HM13: variants seen among roughly 807,000 people sequenced by gnomAD.
The protein encoded by HM13 is signal peptide peptidase.
Under a neutral mutation model 50.0 loss-of-function variants are expected in HM13, and 18 were observed. That is an observed-to-expected ratio of 0.36 (90% confidence interval 0.25 to 0.53). The LOEUF (loss-of-function observed/expected upper bound fraction) is 0.53. HM13 is among the 20% of genes least tolerant of loss of function. The pLI is 0.90. For synonymous variants in HM13, 197 were observed against 232.6 expected, an observed-to-expected ratio of 0.85 and a Z score of 1.39; for missense variants, 393 against 552.4, an observed-to-expected ratio of 0.71 and a Z score of 2.89.
At position 31,518,683 on chromosome 20, in the gene HM13, CTA is replaced by C. The variant is rs570133393; in HGVS notation, c.183+3951_183+3952del. Among the ~76,000 whole-genome samples the C allele has an allele frequency of 6.8e-4, 103 of 151,826 alleles. 3 individuals carry two copies. In the Middle Eastern group the frequency reaches 0.031, roughly 45 times the overall value. On this transcript the variant is annotated intron_variant, in intron 1 of 12. Transcript: ENST00000398174. ...AATAATAATATGTTTCATTATTTTT[CTA>C]TGTCAGTACATATAGACCTAAAGTT...
At chr20:31,521,910 T>C (rs964522619) in intron 1 of HM13, among the ~76,000 whole-genome samples, 1 of 148,610 alleles carries the variant, frequency 6.7e-6, no homozygotes, top group Non-Finnish European at 1.5e-5. Context: ...CCCATGCTGG[T>C]CTCAAACTCC....
At position 31,569,251 on chromosome 20, in the gene HM13, A is replaced by G; in HGVS notation, c.*32A>G. On this transcript the variant is annotated 3_prime_UTR_variant, in exon 13 of 13. Transcript: ENST00000398174. ...TGGTGCCCGAGCCTCTCAGGGCCAG[A>G]CCAGACAGATGGGGGCTGGGCCCAC... The G allele has an allele frequency of 7.0e-7, 1 of 1,437,690 alleles. No individual in the cohort carries two copies. The highest frequency in any genetic ancestry group is 9.6e-7 in the Non-Finnish European group (1 of 1,041,724). The allele number at this position is 1,437,690 out of a possible 1,614,324, so 89.1% of individuals were successfully genotyped here.
intron 1 of HM13, among the ~76,000 whole-genome samples, chr20:31,523,133 C>T (rs1478513178): frequency 6.6e-6 from 1 of 151,752 alleles, no homozygotes. Flanking sequence ...TCACTACGGC[C>T]TCCACCTCCC....
chr20:31,547,783 C>A, intron 4 of HM13: 3 of 948,926 alleles, frequency 3.2e-6, no homozygotes, highest in Non-Finnish European at 1.7e-6. Context: ...TATCCTGCCA[C>A]ACCAGCAGGT....
rs574084715 is a variant in HM13, at chr20:31,532,778, T to C, written c.282+5196T>C. ...GGCTCTGTGTACATCCAGCCATTGC[T>C]TCTGCCTTTGCTTTTGGCAGATATT... On this transcript the variant is annotated intron_variant, in intron 2 of 12. Transcript: ENST00000398174. Among the ~76,000 whole-genome samples, 5 of 152,380 alleles carry C rather than the reference T, an allele frequency of 3.3e-5. No homozygotes were observed. The South Asian group carries it at 8.3e-4, about 25-fold the overall frequency.
Position 31,527,562 on chromosome 20 carries a change from G to A in HM13, c.262G>A (p.Gly88Arg). 6.2e-7 allele frequency: 1 copy of A among 1,613,218 alleles called. No individual in the cohort carries two copies. Among genetic ancestry groups the A allele is most frequent in the Non-Finnish European group, 8.5e-7 (1 of 1,179,494 alleles). Residue 88 changes from glycine to arginine, a missense_variant, in exon 2 of 13, where the codon GGG (glycine) becomes AGG (arginine). Coordinates refer to ENST00000398174, the MANE Select transcript of HM13 (RefSeq NM_178581.3). ...FPIIASCTLLGLYLFFKIFSQ... is the reference protein window; with the variant it reads ...FPIIASCTLLRLYLFFKIFSQ... ...CATCATCGCCAGCTGCACACTCTTGGGGCTCTACCTCTTTTTCAAAGTAAG... is the reference window on the plus strand; with the variant it reads ...CATCATCGCCAGCTGCACACTCTTGAGGCTCTACCTCTTTTTCAAAGTAAG...
chr20:31,514,479 A>G lies in HM13; in HGVS notation c.-73A>G. 3 of 1,504,412 alleles carry G rather than the reference A, an allele frequency of 2.0e-6. No individual in the cohort carries two copies. Among genetic ancestry groups the G allele is most frequent in the South Asian group, 1.2e-5 (1 of 81,120 alleles). 93.2% of individuals were successfully genotyped at this position (1,504,412 alleles called of 1,614,324 possible). The stretch of plus-strand genomic sequence containing the variant: ...CTTAGGGGAACGTGGCTTTCCCTGC[A>G]GAGCCGGTGTCTCCGCCTGCGTCCC... On this transcript the variant is annotated 5_prime_UTR_variant, in exon 1 of 13. Coordinates refer to ENST00000398174, the MANE Select transcript of HM13 (RefSeq NM_178581.3). The surrounding 1 kb of genome is among the most constrained non-coding windows in gnomAD (Gnocchi z 4.3).
chr20:31,536,657 A>AC (rs1383442860), intron 2 of HM13, among the ~76,000 whole-genome samples: 1 of 152,006 alleles, frequency 6.6e-6, no homozygotes, highest in Non-Finnish European at 1.5e-5. Flanking sequence ...CTTTCCTGAC[A>AC]CTGTCCCCAT....
At chr20:31,549,135 C>T (rs762675679) in intron 5 of HM13, 21 bp downstream of exon 5, 3 of 1,613,738 alleles carry the variant, frequency 1.9e-6, no homozygotes, top group Admixed American at 3.3e-5. Context: ...AGGACCTGGG[C>T]AGAAGGGGAG....
At chr20:31,546,211 G>A (rs1389303303) in intron 4 of HM13, among the ~76,000 whole-genome samples, 2 of 151,548 alleles carry the variant, frequency 1.3e-5, no homozygotes, top group African/African-American at 2.4e-5. Context: ...CACTACGCCC[G>A]GCTAATTTTT....
At chr20:31,556,817 G>A (rs1458085340) in intron 8 of HM13, among the ~76,000 whole-genome samples, 5 of 151,926 alleles carry the variant, frequency 3.3e-5, no homozygotes, top group African/African-American at 7.3e-5. Context: ...TCAGGAGATC[G>A]AGACCATCCT....
chr20:31,557,476 CTT>C (rs1984378507), intron 8 of HM13, among the ~76,000 whole-genome samples: 1 of 152,196 alleles, frequency 6.6e-6, no homozygotes, highest in Non-Finnish European at 1.5e-5. Context: ...GCCAGATGCA[CTT>C]TAGGAGTGAA....
chr20:31,527,445 C>T, intron 1 of HM13, 39 bp from the exon 2 acceptor site: 2 of 1,435,864 alleles, frequency 1.4e-6, no homozygotes, highest in Non-Finnish European at 2.0e-6. Flanking sequence ...CATATGGGAA[C>T]CAGCCGTGCT....
In HM13 at chr20:31,544,413, C is replaced by G. The variant is rs183295404; in HGVS notation, c.366-534C>G. ...GGAGTGAATGTGATGGTGATCCTGC[C>G]CAGGGGCTATGATTCATCTGGCTGA... On this transcript the variant is annotated intron_variant, in intron 3 of 12. Coordinates refer to ENST00000398174, the MANE Select transcript of HM13 (RefSeq NM_178581.3). Among the ~76,000 whole-genome samples the G allele has an allele frequency of 1.3e-4, 20 of 152,298 alleles. No individual in the cohort carries two copies. The East Asian group carries it at 3.9e-3, about 29-fold the overall frequency.
intron 1 of HM13, among the ~76,000 whole-genome samples, chr20:31,522,544 T>TAA (rs11473463): frequency 0.25 from 35,991 of 141,414 alleles, 6,259 homozygotes; most frequent in African/African-American, 0.5. Flanking sequence ...AAAACTCCAC[T>TAA]AAAAAAAAAC....
intron 8 of HM13, among the ~76,000 whole-genome samples, chr20:31,555,122 G>A (rs1984238572): frequency 6.6e-6 from 1 of 152,196 alleles, no homozygotes; most frequent in Non-Finnish European, 1.5e-5. Context: ...AAAGTCTAAT[G>A]ACAGATTGAG....
At chr20:31,548,847 G>T (rs2122622801) in intron 4 of HM13, 182 bp from the exon 5 acceptor site, 6 of 647,726 alleles carry the variant, frequency 9.3e-6, no homozygotes, top group Non-Finnish European at 1.4e-5. Context: ...GAGGGGTTGG[G>T]GTGGCTCCAG....
intron 1 of HM13, among the ~76,000 whole-genome samples, chr20:31,523,236 A>G (rs996076985): frequency 4.7e-4 from 71 of 150,870 alleles, no homozygotes; most frequent in Non-Finnish European, 9.7e-4. Context: ...TTTTTAGTAG[A>G]GACGGGGTTT....
intron 2 of HM13, chr20:31,527,878 C>G (rs1288151667): frequency 1.1e-5 from 3 of 261,348 alleles, no homozygotes; most frequent in African/African-American, 6.8e-5. Flanking sequence ...TCAGACATAC[C>G]TCTACCATAC....
Sources: allele counts gnomAD v4.1 joint callset (sites outside exome capture counted in the v4.1 genomes callset), GRCh38; gene constraint gnomAD v4.1.1; non-coding constraint Gnocchi (gnomAD v3.1); transcripts MANE v1.5; gene names NCBI Gene and HGNC (gene_info 2026-07-23, HGNC 2026-07-21).